The following CHD9NB variants were observed in gnomAD, a reference collection of about 807,000 sequenced individuals.
CHD9NB encodes CHD9 neighbor, also known as CHD9 neighbor protein.
At chr16:53,043,016 A>C in the CHD9NB span, 1 of 152,288 alleles carries the variant, frequency 6.6e-6, no homozygotes, top group Non-Finnish European at 1.5e-5. Context: ...CCTGTTCCAC[A>C]GAATTACACC....
chr16:53,048,226 A>C, the CHD9NB span, among the ~76,000 whole-genome samples: 1 of 152,114 alleles, frequency 6.6e-6, no homozygotes, highest in Admixed American at 6.5e-5. Context: ...CAAAATGGTG[A>C]AACCCCATCT....
chr16:53,048,976 A>G, the CHD9NB span, among the ~76,000 whole-genome samples: 4 of 152,314 alleles, frequency 2.6e-5, no homozygotes, highest in African/African-American at 9.6e-5. Context: ...TACAGAAGAC[A>G]TGTAGCACCA....
the CHD9NB span, among the ~76,000 whole-genome samples, chr16:53,049,831 G>A: frequency 2.0e-5 from 3 of 152,196 alleles, no homozygotes; most frequent in African/African-American, 7.2e-5. Flanking sequence ...CCTCTAGAGT[G>A]TACATGCTGT....
chr16:53,051,514 C>T, the CHD9NB span, among the ~76,000 whole-genome samples: 1 of 147,724 alleles, frequency 6.8e-6, no homozygotes, highest in Admixed American at 7.0e-5. Flanking sequence ...CAAATGATCG[C>T]AAGGACAAAA....
chr16:53,042,571 C>T, the CHD9NB span, among the ~76,000 whole-genome samples: 1 of 147,186 alleles, frequency 6.8e-6, no homozygotes, highest in Non-Finnish European at 1.5e-5. Context: ...CCACTTCCCT[C>T]TCCGTCTCTT....
the CHD9NB span, among the ~76,000 whole-genome samples, chr16:53,045,426 T>G: frequency 6.6e-6 from 1 of 152,346 alleles, no homozygotes; most frequent in South Asian, 2.1e-4. Context: ...ACTTCCTTAG[T>G]GAAGCCTCGT....
At chr16:53,039,414 A>G in the CHD9NB span, among the ~76,000 whole-genome samples, 1 of 152,136 alleles carries the variant, frequency 6.6e-6, no homozygotes. Flanking sequence ...TTAATTCTAA[A>G]AGAAGGTGAA....
chr16:53,052,896 CCTCCTCCTCCTCCTG>C, the CHD9NB span: 1 of 180,496 alleles, frequency 5.5e-6, no homozygotes, highest in Non-Finnish European at 1.1e-5. Flanking sequence ...GATGACACCT[CCTCCTCCTCCTCCTG>C]CTCCTCCTCC....
the CHD9NB span, among the ~76,000 whole-genome samples, chr16:53,051,831 T>A: frequency 7.1e-6 from 1 of 141,244 alleles, no homozygotes; most frequent in Non-Finnish European, 1.5e-5. Context: ...TTGCCTATCC[T>A]GTTCCATATA....
chr16:53,051,299 A>G, the CHD9NB span, among the ~76,000 whole-genome samples: 4 of 152,320 alleles, frequency 2.6e-5, no homozygotes, highest in East Asian at 5.8e-4. Flanking sequence ...TTAAAAAACA[A>G]AAGTAAACAA....
At chr16:53,044,130 G>A in the CHD9NB span, 4 of 398,802 alleles carry the variant, frequency 1.0e-5, no homozygotes, top group Non-Finnish European at 1.8e-5. Flanking sequence ...AGCTGCCACC[G>A]TGGTGCTCTT....
the CHD9NB span, chr16:53,035,780 T>C: frequency 1.3e-5 from 2 of 151,912 alleles, no homozygotes; most frequent in Admixed American, 6.6e-5. Flanking sequence ...CTGGGCAACA[T>C]AGTGAGACCC....
the CHD9NB span, among the ~76,000 whole-genome samples, chr16:53,039,005 C>A: frequency 1.3e-5 from 2 of 150,964 alleles, no homozygotes; most frequent in Non-Finnish European, 2.9e-5. Flanking sequence ...CCCTTTAAAC[C>A]TGCCCCTCCT....
At chr16:53,045,280 T>C in the CHD9NB span, among the ~76,000 whole-genome samples, 1 of 152,178 alleles carries the variant, frequency 6.6e-6, no homozygotes, top group Admixed American at 6.5e-5. Flanking sequence ...GCTAATCTTA[T>C]CTGTTTTGAA....
chr16:53,037,826 G>A, the CHD9NB span, among the ~76,000 whole-genome samples: 1 of 152,202 alleles, frequency 6.6e-6, no homozygotes, highest in Non-Finnish European at 1.5e-5. Flanking sequence ...GCAAGCCCCA[G>A]CTGTGTCCTT....
At chr16:53,040,389 T>C in the CHD9NB span, among the ~76,000 whole-genome samples, 2 of 152,298 alleles carry the variant, frequency 1.3e-5, no homozygotes, top group South Asian at 2.1e-4. Context: ...TTTGATTTTT[T>C]ACTTGTCAAG....
At chr16:53,051,768 AATATATAT>A in the CHD9NB span, among the ~76,000 whole-genome samples, 1,592 of 104,464 alleles carry the variant, frequency 0.015, 21 homozygotes, top group African/African-American at 0.041. Context: ...TAAAAGTATA[AATATATAT>A]ATATATATAT....
the CHD9NB span, among the ~76,000 whole-genome samples, chr16:53,052,166 G>C: frequency 6.7e-6 from 1 of 149,276 alleles, no homozygotes; most frequent in Admixed American, 6.7e-5. Flanking sequence ...AATGCTTGAT[G>C]CTAGGAGTTC....
chr16:53,047,899 G>T, the CHD9NB span, among the ~76,000 whole-genome samples: 1 of 151,932 alleles, frequency 6.6e-6, no homozygotes, highest in Non-Finnish European at 1.5e-5. Context: ...TCGGGAGGCA[G>T]AAGTGGGAGG....
Sources: allele counts gnomAD v4.1 joint callset (sites outside exome capture counted in the v4.1 genomes callset), GRCh38; gene constraint gnomAD v4.1.1; transcripts MANE v1.5; gene names NCBI Gene and HGNC (gene_info 2026-07-23, HGNC 2026-07-21).